Variants in DBF4B observed in about 807,000 individuals in gnomAD.
The protein encoded by DBF4B is DBF4B-CDC7 kinase regulatory subunit.
A neutral mutation model predicts 53.4 loss-of-function variants in DBF4B; 49 were observed. The observed-to-expected ratio is 0.92, with a 90% CI of 0.73 to 1.16. The LOEUF is 1.16. Among genes scored for constraint, DBF4B ranks in the 50% most tolerant of loss-of-function variants. The pLI, the probability that DBF4B is intolerant of heterozygous loss-of-function variation, is 0.00. For missense variants in DBF4B, 692 were observed against 775.0 expected, an observed-to-expected ratio of 0.89 and a Z score of 1.27; for synonymous variants, 257 against 288.7, an observed-to-expected ratio of 0.89 and a Z score of 1.11.
chr17:44,732,078 T>C (rs1362880608), intron 5 of DBF4B, 100 bp from the exon 6 acceptor site: 1 of 1,144,670 alleles, frequency 8.7e-7, no homozygotes, highest in Non-Finnish European at 1.3e-6. Context: ...GTCCCTCCCA[T>C]GGATGACTCA....
At chr17:44,717,869 C>T (rs547417974) in intron 2 of DBF4B, among the ~76,000 whole-genome samples, 6 of 151,504 alleles carry the variant, frequency 4.0e-5, no homozygotes, top group South Asian at 4.2e-4. Flanking sequence ...CAAAAAAATT[C>T]GCCAGGTATG....
intron 7 of DBF4B, among the ~76,000 whole-genome samples, chr17:44,735,381 C>T (rs1418422580): frequency 2.0e-5 from 3 of 152,056 alleles, no homozygotes; most frequent in Non-Finnish European, 4.4e-5. Context: ...TTAACTTAAT[C>T]AGTTTTGTAG....
chr17:44,715,173 G>T (rs1973218031), intron 2 of DBF4B, among the ~76,000 whole-genome samples: 1 of 151,518 alleles, frequency 6.6e-6, no homozygotes, highest in Admixed American at 6.6e-5. Flanking sequence ...AGATCTCATA[G>T]ATTCTTCCTT....
chr17:44,740,512 A>C (rs1356406906), intron 9 of DBF4B, among the ~76,000 whole-genome samples: 1 of 152,172 alleles, frequency 6.6e-6, no homozygotes, highest in Non-Finnish European at 1.5e-5. Flanking sequence ...TCCTTTCAGA[A>C]CCCAGCCCTC....
intron 3 of DBF4B, among the ~76,000 whole-genome samples, chr17:44,727,999 T>C (rs1974514448): frequency 6.6e-6 from 1 of 151,472 alleles, no homozygotes; most frequent in Non-Finnish European, 1.5e-5. Context: ...ATTACAGGCA[T>C]GAGCCACCAC....
intron 7 of DBF4B, 124 bp from the exon 8 acceptor site, chr17:44,736,706 C>T: frequency 1.0e-6 from 1 of 1,001,646 alleles, no homozygotes; most frequent in Non-Finnish European, 1.6e-6. Context: ...GAGTCTGGTT[C>T]TGCAGGCCTC....
intron 5 of DBF4B, 164 bp downstream of exon 5, chr17:44,731,179 A>G (rs1227097351): frequency 1.3e-6 from 1 of 775,134 alleles, no homozygotes; most frequent in African/African-American, 1.7e-5. Flanking sequence ...AGGCTCAGAC[A>G]AGTTATTTAG....
intron 10 of DBF4B, among the ~76,000 whole-genome samples, chr17:44,744,562 G>T (rs1436002669): frequency 6.6e-6 from 1 of 152,114 alleles, no homozygotes; most frequent in Non-Finnish European, 1.5e-5. Context: ...GAGTAAATTT[G>T]CAATTGCTCA....
chr17:44,751,814 T>C lies in DBF4B; in HGVS notation c.*561T>C. On this transcript the variant is annotated 3_prime_UTR_variant, in exon 14 of 14. Coordinates refer to ENST00000315005, the MANE Select transcript of DBF4B (RefSeq NM_145663.3). ...ACAGGCTACTGGTGACCAAAGTTGG[T>C]TCCTTTTCTCCTTTCTTTCCTCCTT... 7 of 1,529,600 alleles carry C rather than the reference T, an allele frequency of 4.6e-6. No homozygotes were observed. The highest frequency in any genetic ancestry group is 6.1e-6 in the Non-Finnish European group (7 of 1,142,878). 94.8% of individuals were successfully genotyped at this position (1,529,600 alleles called of 1,614,324 possible). A position where few individuals can be genotyped will look rare whatever the true frequency, so the allele number is the denominator to read the frequency against.
At chr17:44,722,714 C>T (rs1973954580) in intron 2 of DBF4B, among the ~76,000 whole-genome samples, 166 bp from the exon 3 acceptor site, 1 of 152,230 alleles carries the variant, frequency 6.6e-6, no homozygotes, top group Non-Finnish European at 1.5e-5. Flanking sequence ...AATTTCACCA[C>T]ATCTGAGCTT....
At chr17:44,711,067 C>T (rs1055930092) in intron 2 of DBF4B, among the ~76,000 whole-genome samples, 1 of 147,890 alleles carries the variant, frequency 6.8e-6, no homozygotes, top group Non-Finnish European at 1.5e-5. Context: ...CTCACTGCAA[C>T]CTCTGCCTCC....
intron 2 of DBF4B, among the ~76,000 whole-genome samples, chr17:44,712,676 C>T (rs1161807102): frequency 4.0e-5 from 6 of 151,382 alleles, no homozygotes; most frequent in Admixed American, 3.3e-4. Flanking sequence ...CCTGACCTCA[C>T]GATCTGCCCT....
chr17:44,723,758 A>C (rs2337850), intron 3 of DBF4B, among the ~76,000 whole-genome samples: 35,218 of 145,364 alleles, frequency 0.24, 4,093 homozygotes, highest in South Asian at 0.37. Flanking sequence ...GACTCTGTAT[A>C]AAAAAAAAAA....
intron 2 of DBF4B, among the ~76,000 whole-genome samples, chr17:44,710,728 G>A (rs7221796): frequency 0.46 from 69,750 of 151,588 alleles, 16,471 homozygotes; most frequent in Middle Eastern, 0.58. Context: ...ACCACGCCCA[G>A]CTAATTTTTT....
At chr17:44,745,521 G>A (rs956013980) in intron 10 of DBF4B, among the ~76,000 whole-genome samples, 8 of 152,166 alleles carry the variant, frequency 5.3e-5, no homozygotes, top group African/African-American at 1.9e-4. Context: ...GTGGCAGGAG[G>A]GATAAGTGCT....
At chr17:44,748,101 T>C (rs972853092) in intron 12 of DBF4B, among the ~76,000 whole-genome samples, 2 of 152,194 alleles carry the variant, frequency 1.3e-5, no homozygotes, top group African/African-American at 2.4e-5. Flanking sequence ...TGGAATAGCC[T>C]CTAACCTATT....
At chr17:44,738,787 T>C (rs1470099178) in intron 9 of DBF4B, among the ~76,000 whole-genome samples, 1 of 152,216 alleles carries the variant, frequency 6.6e-6, no homozygotes, top group Non-Finnish European at 1.5e-5. Flanking sequence ...GTCAAATCAT[T>C]ACCCAGTCAC....
chr17:44,734,024 GA>G, intron 6 of DBF4B, 65 bp from the exon 7 acceptor site: 1 of 1,371,176 alleles, frequency 7.3e-7, no homozygotes, highest in Admixed American at 1.7e-5. Context: ...TGCAGCCCAG[GA>G]AGGGGCTGTG....
intron 13 of DBF4B, chr17:44,750,385 A>AG (rs34337196): frequency 1.5e-6 from 2 of 1,371,714 alleles, no homozygotes; most frequent in Non-Finnish European, 1.9e-6. Context: ...CAAAGGAAGA[A>AG]GGGGGGGCCC....
Sources: allele counts gnomAD v4.1 joint callset (sites outside exome capture counted in the v4.1 genomes callset), GRCh38; gene constraint gnomAD v4.1.1; transcripts MANE v1.5; gene names NCBI Gene and HGNC (gene_info 2026-07-23, HGNC 2026-07-21).